The following SGCD variants were observed in gnomAD, a reference collection of about 807,000 sequenced individuals.
SGCD encodes the protein sarcoglycan delta, also known as delta-sarcoglycan.
In SGCD, 18 loss-of-function variants were observed where a neutral mutation model predicts 36.6. The observed-to-expected ratio is 0.49, with a 90% CI of 0.34 to 0.73. The LOEUF is 0.73. SGCD is among the 30% of genes least tolerant of loss of function. The probability of loss-of-function intolerance (pLI) is 0.01; values close to 1 mark genes in which losing one functional copy is unlikely to be tolerated. For synonymous variants in SGCD, 133 were observed against 130.6 expected (o/e 1.02, Z -0.12); for missense variants, 387 against 346.7 (o/e 1.12, Z -0.92).
chr5:156,415,448 C>T (rs376816406), intron 3 of SGCD, among the ~76,000 whole-genome samples: 35 of 152,288 alleles, frequency 2.3e-4, no homozygotes, highest in African/African-American at 7.2e-4. Flanking sequence ...GATTTGAGCA[C>T]GTGGTCTCAG....
intron 3 of SGCD, among the ~76,000 whole-genome samples, chr5:156,258,591 A>T (rs375266634): frequency 6.6e-6 from 1 of 152,168 alleles, no homozygotes; most frequent in African/African-American, 2.4e-5. Flanking sequence ...ACCTTTCTCT[A>T]TGTGGTCACA....
chr5:155,742,033 G>A, the SGCD span, among the ~76,000 whole-genome samples: 4 of 152,156 alleles, frequency 2.6e-5, no homozygotes. Flanking sequence ...TGGCTGAGAA[G>A]AGGGCTCCAT....
At chr5:156,188,158 G>A (rs1253311620) in intron 3 of SGCD, among the ~76,000 whole-genome samples, 2 of 152,108 alleles carry the variant, frequency 1.3e-5, no homozygotes, top group East Asian at 1.9e-4. Context: ...GGTGGAGGAA[G>A]AAACTCATTC....
chr5:156,747,637 G>C (rs1314902536), intron 7 of SGCD, among the ~76,000 whole-genome samples: 1 of 152,176 alleles, frequency 6.6e-6, no homozygotes, highest in African/African-American at 2.4e-5. Flanking sequence ...CAAATTGAAA[G>C]AGTGAGAACA....
At position 156,577,010 on chromosome 5, in the gene SGCD, C is replaced by G. The variant is rs191744849; in HGVS notation, c.295-12221C>G. ...CCTTGCCCATGCCTATTTCCTGAAT[C>G]GTATTGCCTAGGTTTTCTTCTAGGG... On this transcript the variant is annotated intron_variant, in intron 4 of 8. Transcript: ENST00000337851. 8.5e-3 allele frequency among the ~76,000 whole-genome samples: 1,291 copies of G among 152,028 alleles called. 10 individuals carry two copies. Among genetic ancestry groups the G allele is most frequent in the African/African-American group, 0.029 (1,218 of 41,476 alleles).
the SGCD span, among the ~76,000 whole-genome samples, chr5:155,851,660 C>A: frequency 8.5e-5 from 13 of 152,176 alleles, no homozygotes; most frequent in Non-Finnish European, 1.9e-4. Flanking sequence ...AATGCTCTCT[C>A]TATGCCTGGA....
chr5:155,829,210 T>G, the SGCD span, among the ~76,000 whole-genome samples: 1 of 152,160 alleles, frequency 6.6e-6, no homozygotes, highest in Non-Finnish European at 1.5e-5. Context: ...CTATACACCT[T>G]TCTTGACATT....
chr5:155,983,598 C>T (rs1758273121), intron 1 of SGCD, among the ~76,000 whole-genome samples: 1 of 152,142 alleles, frequency 6.6e-6, no homozygotes. Flanking sequence ...CCACACCCAG[C>T]CTATGATACT....
chr5:156,537,017 G>T (rs186505572), intron 4 of SGCD, among the ~76,000 whole-genome samples: 1 of 152,218 alleles, frequency 6.6e-6, no homozygotes, highest in Admixed American at 6.5e-5. Flanking sequence ...AAATATTTAA[G>T]CTGACTTCCT....
chr5:155,744,704 C>A, the SGCD span, among the ~76,000 whole-genome samples: 1 of 151,684 alleles, frequency 6.6e-6, no homozygotes, highest in Non-Finnish European at 1.5e-5. Flanking sequence ...GAATTCAGCA[C>A]AAAGAGAGAA....
intron 6 of SGCD, among the ~76,000 whole-genome samples, chr5:156,617,267 C>A (rs900446594): frequency 6.6e-6 from 1 of 151,992 alleles, no homozygotes; most frequent in African/African-American, 2.4e-5. Flanking sequence ...GAGAGCGTGC[C>A]CCTAAGTTGC....
chr5:156,750,989 CAA>C (rs1234610063), intron 7 of SGCD, among the ~76,000 whole-genome samples: 3 of 152,050 alleles, frequency 2.0e-5, no homozygotes, highest in African/African-American at 7.2e-5. Flanking sequence ...ATCCAAATTC[CAA>C]AAGAATTTCC....
chr5:156,623,132 GATAA>G (rs776961780), intron 6 of SGCD, among the ~76,000 whole-genome samples: 2 of 151,996 alleles, frequency 1.3e-5, no homozygotes, highest in Non-Finnish European at 2.9e-5. Context: ...ATGTACATTA[GATAA>G]ATATATATAC....
chr5:155,967,692 A>G (rs763850141), intron 1 of SGCD, among the ~76,000 whole-genome samples: 1 of 152,006 alleles, frequency 6.6e-6, no homozygotes, highest in Non-Finnish European at 1.5e-5. Flanking sequence ...AATCAGTTTT[A>G]TTTATTATGC....
chr5:156,455,145 G>A (rs983344268), intron 3 of SGCD, among the ~76,000 whole-genome samples: 1 of 152,114 alleles, frequency 6.6e-6, no homozygotes, highest in African/African-American at 2.4e-5. Context: ...GTTGAATTAT[G>A]TCCTGCATAA....
At chr5:156,668,596 G>A (rs1374345953) in intron 7 of SGCD, among the ~76,000 whole-genome samples, 1 of 152,178 alleles carries the variant, frequency 6.6e-6, no homozygotes, top group Non-Finnish European at 1.5e-5. Flanking sequence ...CCTATGTGTT[G>A]TATATTCATC....
chr5:156,422,286 A>G (rs550966345), intron 3 of SGCD, among the ~76,000 whole-genome samples: 2 of 152,132 alleles, frequency 1.3e-5, no homozygotes, highest in South Asian at 4.1e-4. Context: ...TGACCCATCA[A>G]TTTCCATCAG....
intron 7 of SGCD, among the ~76,000 whole-genome samples, chr5:156,742,923 A>G (rs968422182): frequency 6.6e-6 from 1 of 152,160 alleles, no homozygotes; most frequent in African/African-American, 2.4e-5. Context: ...TCAAATGTTA[A>G]TCTCATCCAG....
intron 3 of SGCD, among the ~76,000 whole-genome samples, chr5:156,275,010 CAG>C (rs1766280673): frequency 6.6e-6 from 1 of 152,146 alleles, no homozygotes; most frequent in Non-Finnish European, 1.5e-5. Flanking sequence ...CCAGTGTCTC[CAG>C]ACTTTCTAAT....
Sources: gnomAD v4.1 joint callset for allele counts (sites outside exome capture counted in the v4.1 genomes callset) on GRCh38, gnomAD v4.1.1 for gene constraint, MANE v1.5 for transcripts, NCBI Gene and HGNC (gene_info 2026-07-23, HGNC 2026-07-21) for gene names.